DAB2IP: variants seen among roughly 807,000 people sequenced by gnomAD.
The protein encoded by DAB2IP is DAB2 interacting protein, also known as disabled homolog 2-interacting protein.
A neutral mutation model predicts 107.2 loss-of-function variants in DAB2IP; 28 were observed. The ratio of observed to expected loss-of-function variants is 0.26; its 90% CI spans 0.19 to 0.36. The LOEUF is 0.36. Among genes scored for constraint, DAB2IP ranks in the 10% least tolerant of loss-of-function variants. The pLI is 1.00. For missense variants in DAB2IP, 1,400 were observed against 1,644.7 expected (o/e 0.85, Z 2.57); for synonymous variants, 755 against 706.4 (o/e 1.07, Z -1.09).
At chr9:121,750,692 T>C (rs1833055049) in intron 3 of DAB2IP, among the ~76,000 whole-genome samples, 2 of 152,220 alleles carry the variant, frequency 1.3e-5, no homozygotes, top group African/African-American at 4.8e-5. Flanking sequence ...ACACCCTTGC[T>C]GTGTCAAGTA....
intron 2 of DAB2IP, among the ~76,000 whole-genome samples, chr9:121,693,070 G>A (rs1194427731): frequency 6.6e-6 from 1 of 152,238 alleles, no homozygotes; most frequent in Non-Finnish European, 1.5e-5. Context: ...GTTGTAGATG[G>A]GAAGACTGTG....
chr9:121,781,967 G>A (rs1312664952), intron 15 of DAB2IP, among the ~76,000 whole-genome samples: 1 of 152,166 alleles, frequency 6.6e-6, no homozygotes, highest in Non-Finnish European at 1.5e-5. Flanking sequence ...GGGCTGCACC[G>A]CTTTCCTTTC....
rs1192944339 is a variant in DAB2IP, at chr9:121,699,196, C to A, written c.229-129C>A. 3 of 968,218 alleles carry A rather than the reference C, an allele frequency of 3.1e-6. No homozygotes were observed. Among genetic ancestry groups the A allele is most frequent in the Non-Finnish European group, 3.7e-6 (3 of 817,602 alleles). The allele number at this position is 968,218 out of a possible 1,614,324, so 60.0% of individuals were successfully genotyped here. On this transcript the variant is annotated intron_variant, in intron 2 of 15. Coordinates refer to ENST00000408936, the Ensembl canonical transcript of DAB2IP. The surrounding 1 kb of genome is among the most constrained non-coding windows in gnomAD (Gnocchi z 6.2). Reference sequence around the variant, plus strand: ...GGCGCGGGCCGCGAGCTGCTGGGGCCGAGCCCGAGCCCGGCCCGCCCTCGG... The same window carrying A: ...GGCGCGGGCCGCGAGCTGCTGGGGCAGAGCCCGAGCCCGGCCCGCCCTCGG...
exon 7 of DAB2IP, chr9:121,763,615 G>A: frequency 6.2e-7 from 1 of 1,613,810 alleles, no homozygotes. Context: ...AGTACCTCAA[G>A]CTAGTGGGCC....
At chr9:121,618,396 T>C (rs1312909935) in intron 1 of DAB2IP, among the ~76,000 whole-genome samples, 1 of 152,150 alleles carries the variant, frequency 6.6e-6, no homozygotes, top group African/African-American at 2.4e-5. Flanking sequence ...AGTCTCACTC[T>C]GTTGTCCAGG....
At chr9:121,669,559 A>G (rs1833590481) in intron 1 of DAB2IP, among the ~76,000 whole-genome samples, 1 of 152,156 alleles carries the variant, frequency 6.6e-6, no homozygotes, top group South Asian at 2.1e-4. Flanking sequence ...ACACTAGATG[A>G]ATTGCATCTG....
At chr9:121,629,139 C>G (rs1831778448) in intron 1 of DAB2IP, among the ~76,000 whole-genome samples, 1 of 152,190 alleles carries the variant, frequency 6.6e-6, no homozygotes, top group African/African-American at 2.4e-5. Flanking sequence ...GTGAAGGCGA[C>G]AGAAATGATG....
rs754077821 is a variant in DAB2IP, at chr9:121,642,005, C to T, written c.41-36673C>T. Among the ~76,000 whole-genome samples the T allele has an allele frequency of 9.3e-3, 173 of 18,558 alleles. 10 individuals are homozygous for T. The highest frequency in any genetic ancestry group is 0.038 in the South Asian group (8 of 212). The allele number at this position is 18,558 out of a possible 152,430, so 12.2% of individuals were successfully genotyped here. On this transcript the variant is annotated intron_variant, in intron 1 of 16. Coordinates refer to the DAB2IP transcript ENST00000259371. The stretch of plus-strand genomic sequence containing the variant: ...CTTTCTTTCTTTCCTTTCTCTCTCT[C>T]TCTCTCTCTCTCTCTCTCTCTCTCT...
chr9:121,641,962 C>CTT (rs1213547016), intron 1 of DAB2IP, among the ~76,000 whole-genome samples: 2,636 of 35,590 alleles, frequency 0.074, 88 homozygotes, highest in African/African-American at 0.21. Context: ...TTCTTTCTTT[C>CTT]TCTCTCTCTC....
chr9:121,653,247 AGTACTAAGCCTTTAGTACTCCTTGGAGGG>A (rs1832833536), intron 1 of DAB2IP, among the ~76,000 whole-genome samples: 2 of 72,704 alleles, frequency 2.8e-5, no homozygotes, highest in African/African-American at 4.1e-5. Flanking sequence ...CCTTGGAGGG[AGTACTAAGCCTTTAGTACTCCTTGGAGGG>A]AGTACTAAAG....
intron 3 of DAB2IP, among the ~76,000 whole-genome samples, chr9:121,720,965 C>T (rs543360366): frequency 6.6e-6 from 1 of 152,286 alleles, no homozygotes; most frequent in South Asian, 2.1e-4. Context: ...AGTTGGTTAC[C>T]AGCTTCAAAG....
At chr9:121,716,266 A>G (rs928387070) in intron 3 of DAB2IP, among the ~76,000 whole-genome samples, 8 of 152,218 alleles carry the variant, frequency 5.3e-5, no homozygotes, top group African/African-American at 1.9e-4. Flanking sequence ...CTGCCAGCTC[A>G]GGAAGCCAGG....
rs951215283 is a variant in DAB2IP at position 121,652,339 on chromosome 9, G to C, written c.124+440G>C. 1.3e-5 allele frequency among the ~76,000 whole-genome samples: 2 copies of C among 152,282 alleles called. 1 individual carries two copies. The highest frequency in any genetic ancestry group is 4.1e-4 in the South Asian group (2 of 4,824). On this transcript the variant is annotated intron_variant, in intron 1 of 15. Transcript: ENST00000408936. ...TCTTGGGTGCTAGGACAAGTGGGTG[G>C]ACCTCAGGGAAGGAACCGTGACCCC... is the stretch of plus-strand genomic sequence containing the variant.
chr9:121,632,296 T>G (rs871214), intron 1 of DAB2IP, among the ~76,000 whole-genome samples: 78,253 of 152,160 alleles, frequency 0.51, 23,210 homozygotes, highest in African/African-American at 0.81. Context: ...TCAGCACAGT[T>G]CCTGGCACAG....
rs1254495267 is a variant in DAB2IP at position 121,776,857 on chromosome 9, G to A, written c.3314+466G>A. Among the ~76,000 whole-genome samples the A allele has an allele frequency of 6.6e-6, 1 of 152,112 alleles. No homozygotes were observed. Among genetic ancestry groups the A allele is most frequent in the Non-Finnish European group, 1.5e-5 (1 of 68,024 alleles). On this transcript the variant is annotated intron_variant, in intron 14 of 15. Coordinates refer to ENST00000408936, the Ensembl canonical transcript of DAB2IP. This position sits in a 1 kb window ranked among gnomAD's most constrained non-coding sequence, Gnocchi z 5.4. Reference sequence around the variant, plus strand: ...GAGTGTCTGGGTGTGGGCGTATCAGGGTACCAGTTACTGAGCTGGGAACTG... The same window carrying A: ...GAGTGTCTGGGTGTGGGCGTATCAGAGTACCAGTTACTGAGCTGGGAACTG...
chr9:121,770,773 G>GGC (rs1191583236), intron 11 of DAB2IP, 49 bp downstream of exon 11: 2 of 1,593,460 alleles, frequency 1.3e-6, no homozygotes, highest in Non-Finnish European at 1.7e-6. Flanking sequence ...GTGCAGACTA[G>GGC]GCACAGCCCA....
intron 1 of DAB2IP, among the ~76,000 whole-genome samples, chr9:121,577,188 C>T (rs1286276640): frequency 6.6e-6 from 1 of 152,252 alleles, no homozygotes; most frequent in Non-Finnish European, 1.5e-5. Flanking sequence ...GGAGCCCTGC[C>T]CCTTCCCCTG....
intron 13 of DAB2IP, among the ~76,000 whole-genome samples, chr9:121,775,936 A>G (rs867119405): frequency 5.3e-5 from 8 of 152,170 alleles, no homozygotes; most frequent in Non-Finnish European, 1.2e-4. Context: ...ACTTGGGTCT[A>G]AGTCTTCATC....
chr9:121,629,059 G>A (rs561203273), intron 1 of DAB2IP, among the ~76,000 whole-genome samples: 7 of 152,298 alleles, frequency 4.6e-5, no homozygotes, highest in African/African-American at 1.7e-4. Flanking sequence ...GTTGGCCATG[G>A]TGTCTGGGTG....
Sources: gnomAD v4.1 joint callset for allele counts (sites outside exome capture counted in the v4.1 genomes callset) on GRCh38, gnomAD v4.1.1 for gene constraint, Gnocchi (gnomAD v3.1) non-coding constraint, MANE v1.5 for transcripts, NCBI Gene and HGNC (gene_info 2026-07-23, HGNC 2026-07-21) for gene names.